NUMB: variants seen among roughly 807,000 people sequenced by gnomAD.
NUMB encodes protein numb homolog.
In NUMB, 29 loss-of-function variants were observed where a neutral mutation model predicts 59.7. The ratio of observed to expected loss-of-function variants is 0.49; its 90% CI spans 0.36 to 0.66. The LOEUF is 0.66. NUMB is among the 30% of genes least tolerant of loss of function. The pLI is 0.00. For synonymous variants in NUMB, 288 were observed against 288.2 expected, an observed-to-expected ratio of 1.00 and a Z score of 0.01; for missense variants, 723 against 822.0, an observed-to-expected ratio of 0.88 and a Z score of 1.47.
intron 4 of NUMB, among the ~76,000 whole-genome samples, chr14:73,328,428 C>G (rs1359602759): frequency 6.6e-6 from 1 of 152,052 alleles, no homozygotes; most frequent in Non-Finnish European, 1.5e-5. Flanking sequence ...ATAAATAAAG[C>G]CATACTATTC....
intron 1 of NUMB, among the ~76,000 whole-genome samples, chr14:73,442,238 G>T (rs926796571): frequency 6.6e-6 from 1 of 151,596 alleles, no homozygotes; most frequent in Non-Finnish European, 1.5e-5. Context: ...GGCAGGAGTG[G>T]TGGTGCATGC....
intron 6 of NUMB, among the ~76,000 whole-genome samples, chr14:73,302,072 G>C (rs1342279809): frequency 6.6e-6 from 1 of 151,916 alleles, no homozygotes; most frequent in Non-Finnish European, 1.5e-5. Flanking sequence ...GACACAGCGA[G>C]ACTCCATCTC....
intron 1 of NUMB, chr14:73,457,587 T>TCTCCGACC (rs1438785713): frequency 6.6e-6 from 1 of 152,220 alleles, no homozygotes; most frequent in African/African-American, 2.4e-5. Flanking sequence ...GCATGACTCC[T>TCTCCGACC]CTCCGACCGA....
intron 2 of NUMB, among the ~76,000 whole-genome samples, chr14:73,407,031 C>T (rs148192842): frequency 0.021 from 3,133 of 152,044 alleles, 106 homozygotes; most frequent in African/African-American, 0.071. Context: ...TTAGTAGAGA[C>T]GGGGTTTCAC....
intron 6 of NUMB, among the ~76,000 whole-genome samples, chr14:73,307,677 G>A (rs1890530688): frequency 6.6e-6 from 1 of 151,540 alleles, no homozygotes; most frequent in Non-Finnish European, 1.5e-5. Flanking sequence ...GAGTAGGTCA[G>A]GAAGCTACTG....
chr14:73,408,415 C>G (rs2140130004), intron 2 of NUMB, among the ~76,000 whole-genome samples: 1 of 151,876 alleles, frequency 6.6e-6, no homozygotes, highest in African/African-American at 2.4e-5. Context: ...AAATAATTAT[C>G]AAATTATTCA....
intron 6 of NUMB, among the ~76,000 whole-genome samples, chr14:73,308,090 G>A (rs947383817): frequency 1.3e-5 from 2 of 152,088 alleles, no homozygotes; most frequent in African/African-American, 4.8e-5. Context: ...ATGGCAGGAG[G>A]ACAATAATGA....
At chr14:73,393,687 C>A (rs1350986931) in intron 2 of NUMB, among the ~76,000 whole-genome samples, 1 of 152,162 alleles carries the variant, frequency 6.6e-6, no homozygotes, top group African/African-American at 2.4e-5. Flanking sequence ...ATATGGCAAA[C>A]CTGCCTAAAT....
chr14:73,359,650 G>A (rs1394938463), intron 3 of NUMB, among the ~76,000 whole-genome samples: 1 of 152,158 alleles, frequency 6.6e-6, no homozygotes, highest in Non-Finnish European at 1.5e-5. Context: ...AATCTGGAGA[G>A]AGAGATTAGA....
At chr14:73,311,426 T>C (rs767859240) in intron 6 of NUMB, among the ~76,000 whole-genome samples, 25 of 152,304 alleles carry the variant, frequency 1.6e-4, no homozygotes, top group Non-Finnish European at 2.9e-4. Context: ...TCTTTTACAA[T>C]GTTTGTAAGC....
At chr14:73,293,695 G>T (rs1370618091) in intron 7 of NUMB, among the ~76,000 whole-genome samples, 1 of 152,062 alleles carries the variant, frequency 6.6e-6, no homozygotes, top group Non-Finnish European at 1.5e-5. Flanking sequence ...CCAGCCATTT[G>T]TTTCTTTTTC....
chr14:73,369,183 A>G (rs1306983846), intron 2 of NUMB, among the ~76,000 whole-genome samples: 3 of 151,880 alleles, frequency 2.0e-5, no homozygotes, highest in Admixed American at 1.3e-4. Context: ...CTGGGATTAC[A>G]GGTGCTCGCC....
intron 2 of NUMB, among the ~76,000 whole-genome samples, chr14:73,372,305 TTATATA>T (rs3028704): frequency 0.017 from 1,461 of 85,976 alleles, 57 homozygotes; most frequent in African/African-American, 0.051. Flanking sequence ...TATATTTCTT[TTATATA>T]TATATATATA....
chr14:73,442,874 T>C (rs1410524921), intron 1 of NUMB, among the ~76,000 whole-genome samples: 1 of 152,138 alleles, frequency 6.6e-6, no homozygotes. Context: ...CTTTTTTTTC[T>C]TTTTTTGAGA....
At chr14:73,363,468 A>T (rs79174192) in intron 3 of NUMB, among the ~76,000 whole-genome samples, 1,619 of 152,320 alleles carry the variant, frequency 0.011, 19 homozygotes, top group Middle Eastern at 0.044. Flanking sequence ...ATGCCCAGAC[A>T]GTTGAACAGA....
Position 73,284,471 on chromosome 14 carries a change from C to T in NUMB, c.656-97G>A, listed in dbSNP as rs188294895. The stretch of plus-strand genomic sequence containing the variant: ...TCGAAAGCCCTCTAGGTCCTTTTAC[C>T]CATTTCCTTCCCAGTGTCTCTTAAA... On this transcript the variant is annotated intron_variant, in intron 9 of 12. Coordinates refer to ENST00000555238, the MANE Select transcript of NUMB (RefSeq NM_001005743.2). 7.1e-6 allele frequency: 7 copies of T among 986,072 alleles called. No individual in the cohort carries two copies. In the East Asian group the frequency reaches 1.7e-4, roughly 24 times the overall value. 61.1% of individuals were successfully genotyped at this position (986,072 alleles called of 1,614,324 possible).
At chr14:73,363,874 A>G (rs1806571263) in intron 3 of NUMB, among the ~76,000 whole-genome samples, 1 of 152,206 alleles carries the variant, frequency 6.6e-6, no homozygotes. Flanking sequence ...ACTTGAGCCC[A>G]GGAGTTCGAG....
At chr14:73,451,540 G>C (rs1277165607) in intron 1 of NUMB, among the ~76,000 whole-genome samples, 2 of 151,160 alleles carry the variant, frequency 1.3e-5, no homozygotes, top group African/African-American at 4.9e-5. Context: ...GCTTGAACCT[G>C]GGAGGTGGAG....
chr14:73,288,241 C>G (rs1566727431), intron 8 of NUMB, among the ~76,000 whole-genome samples: 1 of 151,436 alleles, frequency 6.6e-6, no homozygotes, highest in Non-Finnish European at 1.5e-5. Flanking sequence ...CAGTGAGACT[C>G]TGTCTCTACC....
Sources: gnomAD v4.1 joint callset for allele counts (sites outside exome capture counted in the v4.1 genomes callset) on GRCh38, gnomAD v4.1.1 for gene constraint, MANE v1.5 for transcripts, NCBI Gene and HGNC (gene_info 2026-07-23, HGNC 2026-07-21) for gene names.